NAP1L1: variants seen among roughly 807,000 people sequenced by gnomAD.
NAP1L1 encodes the protein nucleosome assembly protein 1-like 1.
In NAP1L1, 9 loss-of-function variants were observed where a neutral mutation model predicts 58.9. The ratio of observed to expected loss-of-function variants is 0.15; its 90% CI spans 0.09 to 0.27. The LOEUF is 0.27. Ranked by LOEUF, NAP1L1 falls within the 10% of genes least tolerant of loss-of-function variation. The pLI, the probability that NAP1L1 is intolerant of heterozygous loss-of-function variation, is 1.00. For synonymous variants in NAP1L1, 130 were observed against 138.3 expected (o/e 0.94, Z 0.42); for missense variants, 302 against 458.8 (o/e 0.66, Z 3.12).
At chr12:76,063,089 G>C (rs1416824097) in intron 4 of NAP1L1, among the ~76,000 whole-genome samples, 1 of 152,094 alleles carries the variant, frequency 6.6e-6, no homozygotes, top group African/African-American at 2.4e-5. Context: ...CCAGGCTTCA[G>C]GTTTGCCACA....
At chr12:76,049,856 T>C in intron 12 of NAP1L1, 71 bp from the exon 13 acceptor site, 2 of 1,530,328 alleles carry the variant, frequency 1.3e-6, no homozygotes, top group Non-Finnish European at 9.0e-7. Context: ...CAGTAACATT[T>C]ATCACTGTAT....
At chr12:76,065,516 G>A (rs1020393428) in intron 4 of NAP1L1, among the ~76,000 whole-genome samples, 7 of 112,304 alleles carry the variant, frequency 6.2e-5, no homozygotes, top group Admixed American at 5.2e-4. Context: ...CAAAGTTACT[G>A]GATACAAGAG....
At chr12:76,081,746 G>A (rs1950416118) in intron 1 of NAP1L1, among the ~76,000 whole-genome samples, 1 of 152,190 alleles carries the variant, frequency 6.6e-6, no homozygotes, top group South Asian at 2.1e-4. Context: ...TGTAGTCATT[G>A]TGCTAAACGA....
At position 76,037,457 on chromosome 12, in the gene NAP1L1, T is replaced by G; in HGVS notation, c.*10972A>C. On this transcript the variant is annotated 3_prime_UTR_variant, in exon 15 of 15. Coordinates refer to ENST00000618691, the MANE Select transcript of NAP1L1 (RefSeq NM_004537.7). ...AGCAGCCTAATTCAGTTCTCTCATC[T>G]AAGTTCTTGGGTGGCCCAATCACCT... 6.6e-6 allele frequency: 1 copy of G among 152,470 alleles called. No homozygotes were observed. Among genetic ancestry groups the G allele is most frequent in the East Asian group, 1.9e-4 (1 of 5,204 alleles). 9.4% of individuals were successfully genotyped at this position (152,470 alleles called of 1,614,324 possible). A position where few individuals can be genotyped will look rare whatever the true frequency, so the allele number is the denominator to read the frequency against.
rs1393894831 is a variant in NAP1L1, at chr12:76,042,272, TTA to T, written c.*6155_*6156del. 1 of 152,202 alleles carries T rather than the reference TTA, an allele frequency of 6.6e-6. No homozygotes were observed. Among genetic ancestry groups the T allele is most frequent in the African/African-American group, 2.4e-5 (1 of 41,454 alleles). The allele number at this position is 152,202 out of a possible 1,614,324, so 9.4% of individuals were successfully genotyped here. On this transcript the variant is annotated 3_prime_UTR_variant, in exon 15 of 15. Transcript: ENST00000618691. ...TCCCAATCACAAATTTTAGGTTTTC[TTA>T]TGTTTAGGAAGTGCTCATAGGCTCT...
chr12:76,055,653 C>T (rs1353991512), intron 7 of NAP1L1, among the ~76,000 whole-genome samples: 2 of 152,138 alleles, frequency 1.3e-5, no homozygotes, highest in African/African-American at 2.4e-5. Flanking sequence ...ATGAGTTTAA[C>T]ATCTTTATGG....
intron 1 of NAP1L1, 95 bp from the exon 2 acceptor site, chr12:76,074,334 A>C: frequency 1.5e-6 from 2 of 1,372,678 alleles, no homozygotes; most frequent in Non-Finnish European, 1.9e-6. Context: ...CATACTGAAA[A>C]CTATCCCAAG....
intron 14 of NAP1L1, 141 bp from the exon 15 acceptor site, chr12:76,048,605 AT>A: frequency 2.6e-6 from 2 of 772,466 alleles, no homozygotes; most frequent in African/African-American, 1.8e-5. Flanking sequence ...TAAATTATTT[AT>A]TTTATTAGCA....
At chr12:76,079,071 A>G (rs1221272370) in intron 1 of NAP1L1, among the ~76,000 whole-genome samples, 1 of 152,144 alleles carries the variant, frequency 6.6e-6, no homozygotes, top group African/African-American at 2.4e-5. Flanking sequence ...AAACAAATTC[A>G]TCTCAAAAGC....
intron 1 of NAP1L1, among the ~76,000 whole-genome samples, chr12:76,082,565 C>CT (rs1338685051): frequency 1.2e-4 from 18 of 152,286 alleles, no homozygotes; most frequent in African/African-American, 4.3e-4. Context: ...CTATGAAAGT[C>CT]AGGTTTTATG....
intron 4 of NAP1L1, among the ~76,000 whole-genome samples, chr12:76,062,457 T>C (rs1949461071): frequency 1.3e-5 from 2 of 152,094 alleles, no homozygotes; most frequent in Admixed American, 6.5e-5. Flanking sequence ...GGGTACAATT[T>C]CTATGAAAGA....
chr12:76,072,308 A>C lies in NAP1L1; in HGVS notation c.17+1895T>G, dbSNP rs561108842. Among the ~76,000 whole-genome samples the C allele has an allele frequency of 1.4e-4, 21 of 151,716 alleles. No homozygotes were observed. The East Asian group carries it at 1.7e-3, about 13-fold the overall frequency. ...AAGAAGAGGATGCTATTTAAAAAAA[A>C]AAAAAAACAAAAAAACAGGAAGAAC... On this transcript the variant is annotated intron_variant, in intron 2 of 14. Coordinates refer to ENST00000618691, the MANE Select transcript of NAP1L1 (RefSeq NM_004537.7).
At position 76,048,222 on chromosome 12, in the gene NAP1L1, G is replaced by A; in HGVS notation, c.*207C>T. ...TAGCAATGAATGAACATGCGTGACA[G>A]AATTTGTGCATTCAACATAGCTGGC... On this transcript the variant is annotated 3_prime_UTR_variant, in exon 15 of 15. Transcript: ENST00000618691. 2.0e-6 allele frequency: 1 copy of A among 503,856 alleles called. No individual in the cohort carries two copies. The allele number at this position is 503,856 out of a possible 1,614,324, so 31.2% of individuals were successfully genotyped here. A position where few individuals can be genotyped will look rare whatever the true frequency, so the allele number is the denominator to read the frequency against.
chr12:76,058,886 T>C (rs1430556944), intron 6 of NAP1L1, among the ~76,000 whole-genome samples: 1 of 152,232 alleles, frequency 6.6e-6, no homozygotes, highest in Non-Finnish European at 1.5e-5. Context: ...GTGGTTGAAT[T>C]TGCTTTGCTG....
chr12:76,050,530 C>T lies in NAP1L1; in HGVS notation c.1059+1G>A, dbSNP rs1565714401. The T allele has an allele frequency of 1.9e-6, 3 of 1,596,490 alleles. No individual in the cohort carries two copies. On this transcript the variant is annotated splice_donor_variant, in intron 12 of 14. Transcript: ENST00000618691. LOFTEE classifies it high-confidence loss of function. ...TCTTTGCAGGATTCAAATTCGCTTA[C>T]ATCATCATCATCATCTTCAATAGCT...
At position 76,069,052 on chromosome 12, in the gene NAP1L1, C is replaced by T. The variant is rs957529139; in HGVS notation, c.18-58G>A. On this transcript the variant is annotated intron_variant, in intron 2 of 14. Transcript: ENST00000618691. ...ATGTACCAATTACCAAAAAAAGTTA[C>T]AGAAAAACTTAAAATTCATTTTCAA... 3.3e-5 allele frequency: 40 copies of T among 1,224,000 alleles called. 1 individual carries two copies. The highest frequency in any genetic ancestry group is 3.3e-5 in the Non-Finnish European group (28 of 858,600). 75.8% of individuals were successfully genotyped at this position (1,224,000 alleles called of 1,614,324 possible). A position where few individuals can be genotyped will look rare whatever the true frequency, so the allele number is the denominator to read the frequency against.
At position 76,037,660 on chromosome 12, in the gene NAP1L1, T is replaced by A. The variant is rs1202944129; in HGVS notation, c.*10769A>T. ...ACCTTGAGCGAGTGCCAGTCATACA[T>A]CTCCTTGTCCTCGCAGCCTCCAATT... On this transcript the variant is annotated 3_prime_UTR_variant, in exon 15 of 15. Coordinates refer to ENST00000618691, the MANE Select transcript of NAP1L1 (RefSeq NM_004537.7). 6.6e-6 allele frequency: 1 copy of A among 152,222 alleles called. No homozygotes were observed. Among genetic ancestry groups the A allele is most frequent in the Non-Finnish European group, 1.5e-5 (1 of 68,060 alleles). 9.4% of individuals were successfully genotyped at this position (152,222 alleles called of 1,614,324 possible).
rs1948550138 is a variant in NAP1L1, at chr12:76,041,466, A to G, written c.*6963T>C. ...AGTAAAAGAAAAGGCAGCCAAGCAG[A>G]GCTGAAATAGTGCAAATGCAGGTTA... On this transcript the variant is annotated 3_prime_UTR_variant, in exon 15 of 15. Coordinates refer to ENST00000618691, the MANE Select transcript of NAP1L1 (RefSeq NM_004537.7). 6.6e-6 allele frequency: 1 copy of G among 152,280 alleles called. No individual in the cohort carries two copies. The highest frequency in any genetic ancestry group is 2.4e-5 in the African/African-American group (1 of 41,474). The allele number at this position is 152,280 out of a possible 1,614,324, so 9.4% of individuals were successfully genotyped here.
chr12:76,055,918 A>T, intron 7 of NAP1L1, 115 bp downstream of exon 7: 1 of 1,099,326 alleles, frequency 9.1e-7, no homozygotes, highest in South Asian at 1.4e-5. Flanking sequence ...TAGCTATTTC[A>T]AAAGTAAGCA....
Sources: allele counts gnomAD v4.1 joint callset (sites outside exome capture counted in the v4.1 genomes callset), GRCh38; gene constraint gnomAD v4.1.1; transcripts MANE v1.5; gene names NCBI Gene and HGNC (gene_info 2026-07-23, HGNC 2026-07-21).